The following PVALEF variants were observed in gnomAD, a reference collection of about 807,000 sequenced individuals.
PVALEF encodes parvalbumin like EF-hand containing, also known as parvalbumin-like EF-hand-containing protein.
Under a neutral mutation model 1.2 loss-of-function variants are expected in PVALEF, and 2 were observed. That is an observed-to-expected ratio of 1.68 (90% CI 0.69 to 5.28). The LOEUF (loss-of-function observed/expected upper bound fraction) is 5.28. PVALEF is among the 30% of genes most tolerant of loss of function. The pLI, the probability that PVALEF is intolerant of heterozygous loss-of-function variation, is 0.06. For synonymous variants in PVALEF, 16 were observed against 6.5 expected, an observed-to-expected ratio of 2.47 and a Z score of -2.24; for missense variants, 35 against 17.7, an observed-to-expected ratio of 1.97 and a Z score of -1.75.
rs994895961 is a variant in PVALEF, at chr17:81,181,157, C to G, written c.-70C>G. On this transcript the variant is annotated 5_prime_UTR_variant, in exon 4 of 7. Transcript: ENST00000637878. ...GCACCACGCGGCGTCTACGTCTGCT[C>G]TGGCCCAAGCAGCACCCCCAATCCG... 2 of 696,994 alleles carry G rather than the reference C, an allele frequency of 2.9e-6. No individual in the cohort carries two copies. Among genetic ancestry groups the G allele is most frequent in the African/African-American group, 1.7e-5 (1 of 57,196 alleles). 43.2% of individuals were successfully genotyped at this position (696,994 alleles called of 1,614,324 possible).
chr17:81,174,678 G>A (rs1398319113), intron 2 of PVALEF, among the ~76,000 whole-genome samples: 1 of 151,452 alleles, frequency 6.6e-6, no homozygotes, highest in African/African-American at 2.4e-5. Flanking sequence ...TGCCAGGCGC[G>A]GTGGCTCACG....
chr17:81,177,673 G>A lies in PVALEF; in HGVS notation c.-339-1245G>A, dbSNP rs561452774. The stretch of plus-strand genomic sequence containing the variant: ...GGAAATGGAGGAAAAGGCATCGACC[G>A]AGCCTGGACATTCTCCAGCATCAAA... On this transcript the variant is annotated intron_variant, in intron 2 of 6. Transcript: ENST00000637878. 2.0e-4 allele frequency among the ~76,000 whole-genome samples: 30 copies of A among 152,254 alleles called. No individual in the cohort carries two copies. The East Asian group carries it at 4.8e-3, about 24-fold the overall frequency.
intron 2 of PVALEF, among the ~76,000 whole-genome samples, chr17:81,170,575 G>A (rs1277053575): frequency 6.6e-6 from 1 of 152,150 alleles, no homozygotes; most frequent in African/African-American, 2.4e-5. Context: ...ATGGGAGGGA[G>A]GAGGGAGGCA....
chr17:81,182,579 C>T (rs142005062), intron 6 of PVALEF, among the ~76,000 whole-genome samples: 1,868 of 152,328 alleles, frequency 0.012, 23 homozygotes, highest in Middle Eastern at 0.034. Context: ...CATCCTGACC[C>T]CTCTCAGAAC....
intron 1 of PVALEF, among the ~76,000 whole-genome samples, chr17:81,166,321 G>C (rs1257730716): frequency 1.1e-5 from 1 of 89,940 alleles, no homozygotes; most frequent in Non-Finnish European, 2.4e-5. Flanking sequence ...GGACACGGAG[G>C]GGGAGACAGA....
intron 2 of PVALEF, among the ~76,000 whole-genome samples, chr17:81,172,065 G>A (rs1039944953): frequency 3.9e-5 from 6 of 152,198 alleles, no homozygotes; most frequent in East Asian, 1.9e-4. Flanking sequence ...CGTCTGCCAC[G>A]CTTCCCTCAG....
intron 2 of PVALEF, among the ~76,000 whole-genome samples, chr17:81,167,928 G>A (rs1281740469): frequency 2.0e-5 from 3 of 152,228 alleles, no homozygotes; most frequent in Admixed American, 1.3e-4. Context: ...GGGCTGGGAG[G>A]ATCAGTGCCC....
At chr17:81,171,287 G>A (rs1163704448) in intron 2 of PVALEF, among the ~76,000 whole-genome samples, 1 of 152,136 alleles carries the variant, frequency 6.6e-6, no homozygotes, top group Non-Finnish European at 1.5e-5. Flanking sequence ...TGTCAGCTCA[G>A]GGCAGGTGCT....
At chr17:81,177,408 C>A (rs112429732) in intron 2 of PVALEF, among the ~76,000 whole-genome samples, 2 of 151,708 alleles carry the variant, frequency 1.3e-5, no homozygotes, top group African/African-American at 4.8e-5. Flanking sequence ...ATTAGCCGGG[C>A]GTGGCGGCAT....
rs770463978 is a variant in PVALEF, at chr17:81,181,212, C to T, written c.-15C>T. 1.3e-5 allele frequency: 9 copies of T among 703,166 alleles called. No homozygotes were observed. The highest frequency in any genetic ancestry group is 2.3e-5 in the Non-Finnish European group (9 of 384,774). 43.6% of individuals were successfully genotyped at this position (703,166 alleles called of 1,614,324 possible). ...TGCACCCCACGAATTGACTCCCTAT[C>T]CACCCAGGACCAGGATGGAGGAGGA... On this transcript the variant is annotated 5_prime_UTR_variant, in exon 4 of 7. Coordinates refer to ENST00000637878, the MANE Select transcript of PVALEF (RefSeq NM_001354639.2).
chr17:81,169,418 T>C (rs1395033152), intron 2 of PVALEF, among the ~76,000 whole-genome samples: 1 of 152,116 alleles, frequency 6.6e-6, no homozygotes, highest in Non-Finnish European at 1.5e-5. Flanking sequence ...GCCAACATGG[T>C]GAAGCCCCGT....
chr17:81,174,800 T>A (rs2061531463), intron 2 of PVALEF, among the ~76,000 whole-genome samples: 3 of 151,350 alleles, frequency 2.0e-5, no homozygotes, highest in African/African-American at 4.9e-5. Flanking sequence ...ATACAAAAAA[T>A]TAGCCGAGCA....
rs899737034 is a variant in PVALEF, at chr17:81,182,002, C to A, written c.279C>A (p.Thr93=). The A allele has an allele frequency of 5.0e-6, 2 of 398,746 alleles. No individual in the cohort carries two copies. Among genetic ancestry groups the A allele is most frequent in the Non-Finnish European group, 8.8e-6 (2 of 226,176 alleles). The allele number at this position is 398,746 out of a possible 1,614,324, so 24.7% of individuals were successfully genotyped here. ...CCATCATCCCCAGCAGCGGGCCCAC[C>A]ACCCCGCTGACAGACGAGGAGGCCG... ...ILSIIPSSGP[T]TPLTDEEAEA... Residue 93 remains threonine (T), a synonymous_variant, in exon 6 of 7, where the codon ACC becomes ACA. Coordinates refer to ENST00000637878, the MANE Select transcript of PVALEF (RefSeq NM_001354639.2).
intron 2 of PVALEF, among the ~76,000 whole-genome samples, chr17:81,172,105 C>T (rs1358850894): frequency 1.3e-5 from 2 of 152,244 alleles, no homozygotes; most frequent in Admixed American, 6.5e-5. Context: ...TTCCTCCTCA[C>T]TCTGGCCTGC....
intron 2 of PVALEF, among the ~76,000 whole-genome samples, chr17:81,170,202 T>G (rs1034673305): frequency 2.6e-5 from 4 of 151,810 alleles, no homozygotes; most frequent in African/African-American, 9.7e-5. Flanking sequence ...TCTTTGCATA[T>G]GTGTAGGTGT....
At chr17:81,166,002 A>T (rs1262035207) in intron 1 of PVALEF, 4 of 1,560,040 alleles carry the variant, frequency 2.6e-6, no homozygotes, top group Non-Finnish European at 3.5e-6. Flanking sequence ...TGGCCGGGCC[A>T]GCGGCCGGCG....
At chr17:81,169,763 T>A (rs2061511982) in intron 2 of PVALEF, among the ~76,000 whole-genome samples, 1 of 152,140 alleles carries the variant, frequency 6.6e-6, no homozygotes, top group African/African-American at 2.4e-5. Flanking sequence ...TGTGTGTGTA[T>A]GCATGTGTGT....
At chr17:81,165,824 T>C in intron 1 of PVALEF, 77 bp downstream of exon 1, 1 of 1,507,066 alleles carries the variant, frequency 6.6e-7, no homozygotes, top group Non-Finnish European at 8.9e-7. Context: ...GCTGCTGGGC[T>C]CGGGGCGGGG....
rs1267362337 is a variant in PVALEF at position 81,179,139 on chromosome 17, G to T, written c.-118G>T. On this transcript the variant is annotated 5_prime_UTR_variant, in exon 3 of 7. It introduces an in-frame stop codon into an upstream open reading frame of the 5' UTR. Coordinates refer to ENST00000637878, the MANE Select transcript of PVALEF (RefSeq NM_001354639.2). ...GACCCACCTTCCAGAACTCTCGAAA[G>T]AAGCCAGGCAGAGGTAAGCCCTGCC... 5.2e-6 allele frequency: 2 copies of T among 381,568 alleles called. No individual in the cohort carries two copies. The highest frequency in any genetic ancestry group is 1.1e-5 in the Non-Finnish European group (2 of 186,056). 23.6% of individuals were successfully genotyped at this position (381,568 alleles called of 1,614,324 possible).
Sources: gnomAD v4.1 joint callset for allele counts (sites outside exome capture counted in the v4.1 genomes callset) on GRCh38, gnomAD v4.1.1 for gene constraint, MANE v1.5 for transcripts, NCBI Gene and HGNC (gene_info 2026-07-23, HGNC 2026-07-21) for gene names.